Variants in ASTN2 observed in about 807,000 individuals in gnomAD.
ASTN2 encodes astrotactin 2.
A neutral mutation model predicts 139.8 loss-of-function variants in ASTN2; 54 were observed. That is an observed-to-expected ratio of 0.39 (90% CI 0.31 to 0.48). The LOEUF (loss-of-function observed/expected upper bound fraction) is 0.48. Ranked by LOEUF, ASTN2 falls within the 20% of genes least tolerant of loss-of-function variation. The probability of loss-of-function intolerance (pLI) is 0.95; values close to 1 mark genes in which losing one functional copy is unlikely to be tolerated. For synonymous variants in ASTN2, 756 were observed against 719.5 expected, an observed-to-expected ratio of 1.05 and a Z score of -0.81; for missense variants, 1,565 against 1,725.1, an observed-to-expected ratio of 0.91 and a Z score of 1.64.
chr9:117,058,704 G>A (rs1031151476), intron 5 of ASTN2, among the ~76,000 whole-genome samples: 6 of 152,220 alleles, frequency 3.9e-5, no homozygotes, highest in Non-Finnish European at 8.8e-5. Flanking sequence ...GGCACAGGGA[G>A]CTGAAACAGA....
intron 17 of ASTN2, among the ~76,000 whole-genome samples, chr9:116,634,021 G>A (rs1311340921): frequency 6.6e-6 from 1 of 152,126 alleles, no homozygotes; most frequent in Non-Finnish European, 1.5e-5. Context: ...TTGAGGTTAG[G>A]AGCATGGTCA....
intron 3 of ASTN2, among the ~76,000 whole-genome samples, chr9:117,157,609 A>G (rs1047765196): frequency 6.6e-6 from 1 of 152,060 alleles, no homozygotes; most frequent in Admixed American, 6.6e-5. Flanking sequence ...CTGAAGCAAC[A>G]CTTGGATGTT....
chr9:116,942,092 ACACACACACACACACACACACAC>A (rs1444220131), intron 10 of ASTN2, among the ~76,000 whole-genome samples: 2 of 141,678 alleles, frequency 1.4e-5, no homozygotes, highest in African/African-American at 5.8e-5. Flanking sequence ...GCACGCACGC[ACACACACACACACACACACACAC>A]CACACACACA....
intron 5 of ASTN2, 149 bp downstream of exon 5, chr9:117,095,895 A>G: frequency 1.6e-6 from 1 of 637,224 alleles, no homozygotes. Flanking sequence ...GGTCACCCAT[A>G]TAGCCAGGGC....
chr9:116,797,046 C>T (rs553932626), intron 13 of ASTN2, among the ~76,000 whole-genome samples: 25 of 151,320 alleles, frequency 1.7e-4, no homozygotes, highest in Non-Finnish European at 2.9e-4. Context: ...GTCTTGAACT[C>T]CTGGCCTCAA....
intron 11 of ASTN2, among the ~76,000 whole-genome samples, chr9:116,851,209 C>T (rs1832589200): frequency 6.6e-6 from 1 of 152,046 alleles, no homozygotes. Flanking sequence ...CTGCTCTATG[C>T]ATACCTAAGT....
chr9:117,224,450 A>G (rs1034121974), intron 2 of ASTN2, among the ~76,000 whole-genome samples: 7 of 152,168 alleles, frequency 4.6e-5, no homozygotes, highest in Admixed American at 2.0e-4. Flanking sequence ...TCCACTATAC[A>G]ATCAGATATT....
chr9:116,467,357 C>T (rs1349308570), intron 20 of ASTN2, among the ~76,000 whole-genome samples: 1 of 152,210 alleles, frequency 6.6e-6, no homozygotes, highest in Admixed American at 6.5e-5. Context: ...ACCTCCCCCT[C>T]CCGGGTTCAA....
intron 1 of ASTN2, among the ~76,000 whole-genome samples, chr9:117,388,787 A>G (rs907191379): frequency 6.6e-6 from 1 of 152,116 alleles, no homozygotes; most frequent in African/African-American, 2.4e-5. Flanking sequence ...TTGTCTTCCC[A>G]GCCTCTTTCC....
chr9:116,622,036 A>G (rs1856182410), intron 17 of ASTN2, among the ~76,000 whole-genome samples: 1 of 152,040 alleles, frequency 6.6e-6, no homozygotes, highest in African/African-American at 2.4e-5. Context: ...TGATGTTCCT[A>G]TTTTTCATTT....
chr9:117,192,869 T>C (rs1022162857), intron 3 of ASTN2, among the ~76,000 whole-genome samples: 2 of 152,226 alleles, frequency 1.3e-5, no homozygotes, highest in African/African-American at 4.8e-5. Context: ...TCTGTGTCTC[T>C]CAAAAGTGTT....
intron 2 of ASTN2, among the ~76,000 whole-genome samples, chr9:117,282,402 C>A (rs1834346071): frequency 1.3e-5 from 2 of 152,200 alleles, no homozygotes; most frequent in African/African-American, 4.8e-5. Context: ...CTCTTGCCAT[C>A]TCCAAGATAC....
Position 116,478,137 on chromosome 9 carries a change from AGG to A in ASTN2, c.3497+9220_3497+9221del, listed in dbSNP as rs1467649849. 2.3e-5 allele frequency among the ~76,000 whole-genome samples: 3 copies of A among 127,664 alleles called. No homozygotes were observed. In the East Asian group the frequency reaches 8.3e-4, roughly 35 times the overall value. 83.8% of individuals were successfully genotyped at this position (127,664 alleles called of 152,430 possible). A position where few individuals can be genotyped will look rare whatever the true frequency, so the allele number is the denominator to read the frequency against. On this transcript the variant is annotated intron_variant, in intron 20 of 22. Transcript: ENST00000313400. Reference sequence around the variant, plus strand: ...GGGGTAGGGAGGGAGAAAGGAAGGGAGGGAGGGATACAGGAAGGAAGGGAAGG... The same window carrying A: ...GGGGTAGGGAGGGAGAAAGGAAGGGAGAGGGATACAGGAAGGAAGGGAAGG...
At chr9:116,739,824 T>G (rs888107173) in intron 13 of ASTN2, among the ~76,000 whole-genome samples, 1 of 152,220 alleles carries the variant, frequency 6.6e-6, no homozygotes, top group Non-Finnish European at 1.5e-5. Context: ...CATGAGCATT[T>G]GTTGAAGCAG....
chr9:116,836,373 G>A (rs1564294390), intron 11 of ASTN2, among the ~76,000 whole-genome samples: 1 of 96,048 alleles, frequency 1.0e-5, no homozygotes, highest in African/African-American at 3.0e-5. Flanking sequence ...GCCAGGGGAT[G>A]GGGGTGCTCA....
chr9:116,948,796 T>G (rs1248931741), intron 10 of ASTN2, among the ~76,000 whole-genome samples: 1 of 122,764 alleles, frequency 8.1e-6, no homozygotes. Flanking sequence ...TTTTTTTTTT[T>G]TTTTTTTTTT....
intron 3 of ASTN2, chr9:117,180,595 G>C (rs186127269): frequency 1.0e-6 from 1 of 1,004,076 alleles, no homozygotes; most frequent in African/African-American, 1.6e-5. Flanking sequence ...ACTATGCACC[G>C]AGCACCATTC....
intron 1 of ASTN2, among the ~76,000 whole-genome samples, chr9:117,400,228 C>A (rs1830787236): frequency 6.6e-6 from 1 of 152,234 alleles, no homozygotes; most frequent in Admixed American, 6.5e-5. Flanking sequence ...GGACTAGACT[C>A]CAGGCACTAC....
intron 5 of ASTN2, among the ~76,000 whole-genome samples, chr9:117,081,687 G>A (rs953421125): frequency 6.6e-6 from 1 of 152,152 alleles, no homozygotes; most frequent in Non-Finnish European, 1.5e-5. Flanking sequence ...AAAGAGAATC[G>A]GGCCTTGAAG....
Sources: allele counts gnomAD v4.1 joint callset (sites outside exome capture counted in the v4.1 genomes callset), GRCh38; gene constraint gnomAD v4.1.1; transcripts MANE v1.5; gene names NCBI Gene and HGNC (gene_info 2026-07-23, HGNC 2026-07-21).